Variants in MAN2A1 observed in about 807,000 individuals in gnomAD.
MAN2A1 encodes mannosidase alpha class 2A member 1.
Under a neutral mutation model 142.6 loss-of-function variants are expected in MAN2A1, and 76 were observed. That is an observed-to-expected ratio of 0.53 (90% CI 0.44 to 0.65). MAN2A1 has a LOEUF of 0.65. MAN2A1 is among the 30% of genes least tolerant of loss of function. The pLI is 0.00. For synonymous variants in MAN2A1, 559 were observed against 473.2 expected (o/e 1.18, Z -2.35); for missense variants, 1,311 against 1,365.1 (o/e 0.96, Z 0.62).
Position 109,788,921 on chromosome 5 carries a change from T to C in MAN2A1, c.1761-13T>C. On this transcript the variant is annotated splice_polypyrimidine_tract_variant and intron_variant, in intron 10 of 21. Transcript: ENST00000261483. ...AAATTGTTTCTCAGACTAATAAAAT[T>C]TTTGATTTACAGACTTTTTCATTCG... 3 of 1,261,714 alleles carry C rather than the reference T, an allele frequency of 2.4e-6. No homozygotes were observed. Among genetic ancestry groups the C allele is most frequent in the Non-Finnish European group, 2.3e-6 (2 of 868,282 alleles). 78.2% of individuals were successfully genotyped at this position (1,261,714 alleles called of 1,614,324 possible).
intron 5 of MAN2A1, among the ~76,000 whole-genome samples, chr5:109,758,953 T>C (rs1752765078): frequency 6.6e-6 from 1 of 152,066 alleles, no homozygotes; most frequent in Non-Finnish European, 1.5e-5. Context: ...CCTTGACTTA[T>C]ATTTATGCCA....
At chr5:109,762,677 C>T (rs551813977) in intron 5 of MAN2A1, among the ~76,000 whole-genome samples, 27 of 152,262 alleles carry the variant, frequency 1.8e-4, no homozygotes, top group African/African-American at 6.3e-4. Context: ...TGCTGGCCTT[C>T]GATGTGCTCA....
intron 1 of MAN2A1, among the ~76,000 whole-genome samples, chr5:109,707,362 T>A (rs1306807307): frequency 1.3e-5 from 2 of 152,198 alleles, no homozygotes; most frequent in Non-Finnish European, 2.9e-5. Flanking sequence ...TAGAAAAAAA[T>A]GTTACATGCC....
intron 16 of MAN2A1, among the ~76,000 whole-genome samples, chr5:109,825,572 AGAT>A (rs1754733783): frequency 6.6e-6 from 1 of 152,188 alleles, no homozygotes; most frequent in Admixed American, 6.5e-5. Flanking sequence ...TGTGTAGACT[AGAT>A]GGCCCTGTTC....
chr5:109,690,591 C>T lies in MAN2A1; in HGVS notation c.135+39C>T, dbSNP rs765017618. ...AAGGGGGCGCGGGGCTCCGAGGGGC[C>T]AGGCGTGCGGGCCCCTGGTTAGCGG... On this transcript the variant is annotated intron_variant, in intron 1 of 21. Coordinates refer to ENST00000261483, the MANE Select transcript of MAN2A1 (RefSeq NM_002372.4). 7 of 1,553,616 alleles carry T rather than the reference C, an allele frequency of 4.5e-6. No individual in the cohort carries two copies. The South Asian group carries it at 4.7e-5, about 10-fold the overall frequency.
chr5:109,690,558 C>T lies in MAN2A1; in HGVS notation c.135+6C>T, dbSNP rs1750636499. ...GCGAGGGCTCCTTCCCTCAGGTAAG[C>T]ACCTGGGAAGGGGGCGCGGGGCTCC... On this transcript the variant is annotated splice_donor_region_variant and intron_variant, in intron 1 of 21. Coordinates refer to ENST00000261483, the MANE Select transcript of MAN2A1 (RefSeq NM_002372.4). The T allele has an allele frequency of 6.3e-7, 1 of 1,593,498 alleles. No homozygotes were observed. Among genetic ancestry groups the T allele is most frequent in the East Asian group, 2.3e-5 (1 of 43,650 alleles).
At chr5:109,722,023 CT>C (rs942976735) in intron 3 of MAN2A1, among the ~76,000 whole-genome samples, 9 of 152,222 alleles carry the variant, frequency 5.9e-5, no homozygotes, top group Non-Finnish European at 1.0e-4. Flanking sequence ...CATAAGTGAT[CT>C]GTTCATGGCA....
chr5:109,734,970 G>A (rs536548320), intron 4 of MAN2A1, among the ~76,000 whole-genome samples: 10 of 152,248 alleles, frequency 6.6e-5, no homozygotes, highest in African/African-American at 1.9e-4. Context: ...TGACAGTGGG[G>A]TGTTAAAGTC....
intron 4 of MAN2A1, among the ~76,000 whole-genome samples, chr5:109,731,490 AC>A (rs1371287336): frequency 6.3e-5 from 9 of 143,620 alleles, no homozygotes; most frequent in African/African-American, 2.3e-4. Flanking sequence ...TAGGTATATC[AC>A]CTAATGCTAT....
chr5:109,755,767 G>GT (rs36116953), intron 5 of MAN2A1, among the ~76,000 whole-genome samples: 2,399 of 147,150 alleles, frequency 0.016, 52 homozygotes, highest in African/African-American at 0.055. Context: ...GGTAGCTTAA[G>GT]TTTTTTTTTT....
At chr5:109,857,646 T>G (rs772944565) in intron 20 of MAN2A1, among the ~76,000 whole-genome samples, 12 of 152,210 alleles carry the variant, frequency 7.9e-5, no homozygotes, top group Non-Finnish European at 1.8e-4. Context: ...TGGAACTTGT[T>G]TTTTATGTCA....
chr5:109,732,463 C>T (rs1226957653), intron 4 of MAN2A1, among the ~76,000 whole-genome samples: 3 of 152,092 alleles, frequency 2.0e-5, no homozygotes, highest in African/African-American at 7.2e-5. Context: ...ATGGTAATGC[C>T]TAGGTTTTCT....
chr5:109,795,488 A>G (rs2112687543), intron 12 of MAN2A1, among the ~76,000 whole-genome samples: 1 of 152,312 alleles, frequency 6.6e-6, no homozygotes, highest in South Asian at 2.1e-4. Flanking sequence ...ATGAAAATGT[A>G]GAAGATGATG....
At chr5:109,817,234 TA>T (rs1754487332) in intron 12 of MAN2A1, 38 bp from the exon 13 acceptor site, 1 of 1,584,274 alleles carries the variant, frequency 6.3e-7, no homozygotes, top group South Asian at 1.1e-5. Context: ...GAAGTAAAAA[TA>T]TTTTGAGATC....
At chr5:109,755,858 A>G (rs569441358) in intron 5 of MAN2A1, among the ~76,000 whole-genome samples, 2 of 152,218 alleles carry the variant, frequency 1.3e-5, no homozygotes, top group South Asian at 2.1e-4. Flanking sequence ...TGCTGTATCC[A>G]GGGATCCAGG....
intron 1 of MAN2A1, among the ~76,000 whole-genome samples, chr5:109,694,335 G>C (rs1486775736): frequency 6.6e-6 from 1 of 151,732 alleles, no homozygotes; most frequent in Non-Finnish European, 1.5e-5. Context: ...GTGAGAACTT[G>C]TATACCTTTT....
At chr5:109,851,966 A>G (rs1755492619) in intron 19 of MAN2A1, among the ~76,000 whole-genome samples, 1 of 152,086 alleles carries the variant, frequency 6.6e-6, no homozygotes, top group African/African-American at 2.4e-5. Context: ...AAACTTGAGG[A>G]CATATCCCAC....
At chr5:109,832,129 A>G (rs1042802426) in intron 16 of MAN2A1, among the ~76,000 whole-genome samples, 3 of 148,992 alleles carry the variant, frequency 2.0e-5, no homozygotes, top group Non-Finnish European at 4.5e-5. Flanking sequence ...AGTTGTTCAC[A>G]TAAATAAGTA....
At chr5:109,736,787 A>G (rs78691566) in intron 4 of MAN2A1, among the ~76,000 whole-genome samples, 1 of 151,892 alleles carries the variant, frequency 6.6e-6, no homozygotes. Context: ...CTCTTGACCT[A>G]TCTGCTTTCA....
Sources: allele counts gnomAD v4.1 joint callset (sites outside exome capture counted in the v4.1 genomes callset), GRCh38; gene constraint gnomAD v4.1.1; transcripts MANE v1.5; gene names NCBI Gene and HGNC (gene_info 2026-07-23, HGNC 2026-07-21).